Variants in RUFY1 observed in about 807,000 individuals in gnomAD.
The protein encoded by RUFY1 is RUN and FYVE domain containing 1.
A neutral mutation model predicts 94.6 loss-of-function variants in RUFY1; 54 were observed. That is an observed-to-expected ratio of 0.57 (90% confidence interval 0.46 to 0.72). RUFY1 has a LOEUF of 0.72. Ranked by LOEUF, RUFY1 falls within the 30% of genes least tolerant of loss-of-function variation. The probability of loss-of-function intolerance (pLI) is 0.00; values close to 1 mark genes in which losing one functional copy is unlikely to be tolerated. For synonymous variants in RUFY1, 396 were observed against 347.3 expected, an observed-to-expected ratio of 1.14 and a Z score of -1.56; for missense variants, 883 against 883.9, an observed-to-expected ratio of 1.00 and a Z score of 0.01.
intron 11 of RUFY1, among the ~76,000 whole-genome samples, chr5:179,594,147 C>A (rs1247115123): frequency 6.6e-6 from 1 of 151,758 alleles, no homozygotes; most frequent in African/African-American, 2.4e-5. Context: ...ACTAAAAATA[C>A]AAAAATTAGC....
Position 179,609,623 on chromosome 5 carries a change from CAA to C in RUFY1, c.*106_*107del. ...TCCCAAGAGTATCAAAGGAAAGAATCAAATTTCTTGCCCGGTCACTGGCACTC... is the reference window on the plus strand; with the variant it reads ...TCCCAAGAGTATCAAAGGAAAGAATCATTTCTTGCCCGGTCACTGGCACTC... On this transcript the variant is annotated 3_prime_UTR_variant, in exon 18 of 18. Transcript: ENST00000319449. 1 of 1,220,912 alleles carries C rather than the reference CAA, an allele frequency of 8.2e-7. No homozygotes were observed. The highest frequency in any genetic ancestry group is 1.5e-5 in the African/African-American group (1 of 65,102). The allele number at this position is 1,220,912 out of a possible 1,614,324, so 75.6% of individuals were successfully genotyped here. A position where few individuals can be genotyped will look rare whatever the true frequency, so the allele number is the denominator to read the frequency against.
Position 179,598,064 on chromosome 5 carries a change from C to T in RUFY1, c.1632-628C>T, listed in dbSNP as rs537042309. ...AATTAGCTGGGCGTGGTGGCGTGTG[C>T]CTGTAATCCCAGCTACTAGGGAGGC... On this transcript the variant is annotated intron_variant, in intron 13 of 17. Coordinates refer to ENST00000319449, the MANE Select transcript of RUFY1 (RefSeq NM_025158.5). 1.5e-3 allele frequency among the ~76,000 whole-genome samples: 228 copies of T among 152,176 alleles called. 1 individual carries two copies. Among genetic ancestry groups the T allele is most frequent in the South Asian group, 9.9e-3 (48 of 4,826 alleles).
At position 179,601,993 on chromosome 5, in the gene RUFY1, AC is replaced by A; in HGVS notation, c.1856+11del. 6.2e-7 allele frequency: 1 copy of A among 1,608,298 alleles called. No homozygotes were observed. Among genetic ancestry groups the A allele is most frequent in the Non-Finnish European group, 8.5e-7 (1 of 1,175,442 alleles). On this transcript the variant is annotated splice_region_variant and intron_variant, in intron 15 of 17. Coordinates refer to ENST00000319449, the MANE Select transcript of RUFY1 (RefSeq NM_025158.5). ...TGGGCCTGCACCTCAGCCAGTAAGA[AC>A]CCCACTCCCCTTGTCTGCCACTGCA...
intron 8 of RUFY1, 102 bp downstream of exon 8, chr5:179,585,967 A>C: frequency 2.2e-6 from 2 of 914,754 alleles, no homozygotes; most frequent in African/African-American, 1.6e-5. Context: ...GCTGGTAGGA[A>C]GGGGACTTGC....
chr5:179,602,735 C>G (rs527908340), intron 15 of RUFY1: 1 of 152,300 alleles, frequency 6.6e-6, no homozygotes, highest in Admixed American at 6.5e-5. Flanking sequence ...TGTCTCCTAC[C>G]TCTGCTATCC....
intron 6 of RUFY1, among the ~76,000 whole-genome samples, chr5:179,580,371 G>T (rs1287218059): frequency 1.1e-4 from 16 of 151,302 alleles, no homozygotes; most frequent in Admixed American, 6.6e-4. Flanking sequence ...GCCTCCCGAG[G>T]AGCTGGGACT....
chr5:179,561,679 T>TC, intron 2 of RUFY1, among the ~76,000 whole-genome samples: 2 of 30,566 alleles, frequency 6.5e-5, no homozygotes, highest in Non-Finnish European at 2.1e-4. Context: ...TTTTTCTTTC[T>TC]TTTTTTTTTT....
intron 15 of RUFY1, 51 bp from the exon 16 acceptor site, chr5:179,605,825 A>C: frequency 8.4e-6 from 10 of 1,194,658 alleles, no homozygotes; most frequent in Non-Finnish European, 1.2e-5. Flanking sequence ...TTAGGGATTC[A>C]GAGCCTCACT....
At chr5:179,561,970 C>T (rs1310364120) in intron 2 of RUFY1, among the ~76,000 whole-genome samples, 1 of 151,032 alleles carries the variant, frequency 6.6e-6, no homozygotes, top group Non-Finnish European at 1.5e-5. Context: ...AGGTGTGAGC[C>T]ACTGTGCCCG....
Position 179,609,726 on chromosome 5 carries a change from CT to C in RUFY1, c.*209del. 1 of 496,068 alleles carries C rather than the reference CT, an allele frequency of 2.0e-6. No individual in the cohort carries two copies. The highest frequency in any genetic ancestry group is 3.5e-6 in the Non-Finnish European group (1 of 282,878). The allele number at this position is 496,068 out of a possible 1,614,324, so 30.7% of individuals were successfully genotyped here. On this transcript the variant is annotated 3_prime_UTR_variant, in exon 18 of 18. Coordinates refer to ENST00000319449, the MANE Select transcript of RUFY1 (RefSeq NM_025158.5). ...CGGAATTAACTCCTCTGGATGGAAA[CT>C]TCCATCTTACTTGGTTACATCACGG...
At chr5:179,553,535 G>T (rs1459083720) in intron 1 of RUFY1, among the ~76,000 whole-genome samples, 1 of 152,094 alleles carries the variant, frequency 6.6e-6, no homozygotes, top group Non-Finnish European at 1.5e-5. Flanking sequence ...TGTAATCCCA[G>T]CATTTTGGGA....
At chr5:179,585,547 C>A (rs1764539483) in intron 7 of RUFY1, among the ~76,000 whole-genome samples, 1 of 152,182 alleles carries the variant, frequency 6.6e-6, no homozygotes, top group African/African-American at 2.4e-5. Flanking sequence ...CCACTGCACT[C>A]TAGTCTGGGC....
chr5:179,567,546 A>G lies in RUFY1; in HGVS notation c.688A>G (p.Asn230Asp), dbSNP rs1237213113. 6.2e-7 allele frequency: 1 copy of G among 1,607,946 alleles called. No individual in the cohort carries two copies. The highest frequency in any genetic ancestry group is 8.5e-7 in the Non-Finnish European group (1 of 1,174,426). ...AGATTATCTGAAAGTGCTTATAGAC[A>G]ATAAACATCTCTTAAGGTATTTCAT... ...LADYLKVLID[N>D]KHLLSEFYEP... The change falls in exon 4 of 18, where the codon AAT becomes GAT. Residue 230 changes from asparagine (N) to aspartate (D), a missense_variant. Asn to Asp is a conservative substitution (Grantham distance 23). Coordinates refer to ENST00000319449, the MANE Select transcript of RUFY1 (RefSeq NM_025158.5).
In RUFY1 at chr5:179,609,506, C is replaced by T. The variant is rs1228787185; in HGVS notation, c.2114C>T (p.Ser705Phe). The T allele has an allele frequency of 1.2e-6, 2 of 1,604,918 alleles. No homozygotes were observed. The highest frequency in any genetic ancestry group is 1.1e-5 in the South Asian group (1 of 90,478). Reference sequence around the variant, plus strand: ...ACCCTGCTCCTGCAGCGCTGCTCCTCCACGGCCTCCTGAACGTCCGTCCTC... The same window carrying T: ...ACCCTGCTCCTGCAGCGCTGCTCCTTCACGGCCTCCTGAACGTCCGTCCTC... ...CHTLLLQRCS[S>F]TAS The change falls in exon 18 of 18, where the codon TCC becomes TTC. Residue 705 changes from serine (S) to phenylalanine (F), a missense_variant. Transcript: ENST00000319449.
chr5:179,559,957 C>G, intron 1 of RUFY1, 68 bp from the exon 2 acceptor site: 1 of 1,543,556 alleles, frequency 6.5e-7, no homozygotes, highest in Non-Finnish European at 8.7e-7. Context: ...GTCTTCTCAC[C>G]GTTGCCCGGA....
chr5:179,592,769 C>T lies in RUFY1; in HGVS notation c.1246-709C>T, dbSNP rs559332854. Among the ~76,000 whole-genome samples the T allele has an allele frequency of 2.3e-4, 35 of 152,304 alleles. No individual in the cohort carries two copies. In the Middle Eastern group the frequency reaches 0.024, roughly 104 times the overall value. ...GTCCTGGGTCAGGACAGAACCATTT[C>T]GAAATGGTTGCACTTTTGTTGCTAT... On this transcript the variant is annotated intron_variant, in intron 10 of 17. Coordinates refer to ENST00000319449, the MANE Select transcript of RUFY1 (RefSeq NM_025158.5).
intron 5 of RUFY1, among the ~76,000 whole-genome samples, chr5:179,571,065 T>A (rs1357958126): frequency 6.6e-6 from 1 of 152,196 alleles, no homozygotes; most frequent in Non-Finnish European, 1.5e-5. Flanking sequence ...TTTGTAATTT[T>A]AAAAAATTTA....
chr5:179,593,465 AT>A lies in RUFY1; in HGVS notation c.1246-12del. The A allele has an allele frequency of 6.3e-7, 1 of 1,581,620 alleles. No homozygotes were observed. The highest frequency in any genetic ancestry group is 8.7e-7 in the Non-Finnish European group (1 of 1,150,528). On this transcript the variant is annotated splice_polypyrimidine_tract_variant and intron_variant, in intron 10 of 17. Transcript: ENST00000319449. Reference sequence around the variant, plus strand: ...TATTTTAATAACATTTTCCTTGTAAATATCCTTTTAAGGAACTGGAAAAAGA... The same window carrying A: ...TATTTTAATAACATTTTCCTTGTAAAATCCTTTTAAGGAACTGGAAAAAGA...
At chr5:179,597,404 T>C (rs541805367) in intron 13 of RUFY1, among the ~76,000 whole-genome samples, 1 of 152,130 alleles carries the variant, frequency 6.6e-6, no homozygotes, top group East Asian at 1.9e-4. Context: ...CCTGGCTAAT[T>C]TTTTGTATTT....
Sources: allele counts gnomAD v4.1 joint callset (sites outside exome capture counted in the v4.1 genomes callset), GRCh38; gene constraint gnomAD v4.1.1; transcripts MANE v1.5; gene names NCBI Gene and HGNC (gene_info 2026-07-23, HGNC 2026-07-21).